LAMA3: variants seen among roughly 807,000 people sequenced by gnomAD.
The protein encoded by LAMA3 is laminin subunit alpha 3.
Under a neutral mutation model 402.0 loss-of-function variants are expected in LAMA3, and 281 were observed. That is an observed-to-expected ratio of 0.70 (90% CI 0.63 to 0.77). The LOEUF is 0.77. LAMA3 is among the 30% of genes least tolerant of loss of function. The pLI, the probability that LAMA3 is intolerant of heterozygous loss-of-function variation, is 0.00. For synonymous variants in LAMA3, 1,431 were observed against 1,558.4 expected (o/e 0.92, Z 1.93); for missense variants, 3,840 against 4,215.5 (o/e 0.91, Z 2.47).
chr18:23,876,235 CT>C, intron 38 of LAMA3, 58 bp from the exon 39 acceptor site: 1 of 1,135,180 alleles, frequency 8.8e-7, no homozygotes. Flanking sequence ...GTGTCACATG[CT>C]TTGGATAGTA....
At chr18:23,910,561 G>GTAA (rs1328359578) in intron 55 of LAMA3, among the ~76,000 whole-genome samples, 1 of 152,184 alleles carries the variant, frequency 6.6e-6, no homozygotes, top group African/African-American at 2.4e-5. Flanking sequence ...TTAGACTGTG[G>GTAA]TAACAAGCTG....
At chr18:23,790,533 G>A (rs34667020) in intron 12 of LAMA3, among the ~76,000 whole-genome samples, 17 of 152,248 alleles carry the variant, frequency 1.1e-4, no homozygotes, top group Non-Finnish European at 1.6e-4. Context: ...GTGCTTCTGA[G>A]TATGGGAAGT....
chr18:23,948,422 T>A (rs1400403795), intron 70 of LAMA3, among the ~76,000 whole-genome samples: 1 of 152,144 alleles, frequency 6.6e-6, no homozygotes, highest in Non-Finnish European at 1.5e-5. Flanking sequence ...TTCTGGCCCA[T>A]CCTGGGGAGT....
Position 23,954,762 on chromosome 18 carries a change from A to G in LAMA3, c.*114A>G. On this transcript the variant is annotated 3_prime_UTR_variant, in exon 75 of 75. Transcript: ENST00000313654. ...CTCAGGACACAAACCAGACAGGTTT[A>G]ATAGCGAATCTAATTTTGAATTCTG... 2 of 1,132,764 alleles carry G rather than the reference A, an allele frequency of 1.8e-6. No individual in the cohort carries two copies. The allele number at this position is 1,132,764 out of a possible 1,614,324, so 70.2% of individuals were successfully genotyped here.
chr18:23,942,036 T>G (rs878973650), intron 68 of LAMA3, among the ~76,000 whole-genome samples: 1 of 152,216 alleles, frequency 6.6e-6, no homozygotes, highest in Non-Finnish European at 1.5e-5. Flanking sequence ...AACATTGCCC[T>G]CAAGGAAACT....
At chr18:23,696,671 T>C (rs1008485788) in intron 1 of LAMA3, among the ~76,000 whole-genome samples, 1 of 152,120 alleles carries the variant, frequency 6.6e-6, no homozygotes, top group Non-Finnish European at 1.5e-5. Flanking sequence ...CGGCTAATTT[T>C]TGTATTTTTA....
At chr18:23,836,925 G>T in intron 24 of LAMA3, 56 bp from the exon 25 acceptor site, 2 of 1,261,464 alleles carry the variant, frequency 1.6e-6, no homozygotes, top group Middle Eastern at 2.5e-4. Flanking sequence ...AGAAGGATGT[G>T]CAGAATGAGG....
At chr18:23,743,925 G>A (rs1396989042) in intron 2 of LAMA3, among the ~76,000 whole-genome samples, 1 of 152,132 alleles carries the variant, frequency 6.6e-6, no homozygotes, top group Non-Finnish European at 1.5e-5. Context: ...GAGGGTCCTC[G>A]TTTATATCAG....
chr18:23,845,268 G>T, intron 30 of LAMA3, 144 bp downstream of exon 30: 2 of 680,088 alleles, frequency 2.9e-6, no homozygotes. Flanking sequence ...CCCAGGGGAA[G>T]ATGCTCTTTC....
rs118020757 is a variant in LAMA3 at position 23,810,442 on chromosome 18, A to G, written c.1680A>G (p.Gly560=). ...CTGGACAGTGTGAATGTCGGCCAGG[A>G]GTTACAGGACAGCGGTGTGACAGGT... ...SVTGQCECRP[G]VTGQRCDRCL... is the part of the protein sequence containing the mutation. The change falls in exon 13 of 75, where the codon GGA becomes GGG. Residue 560 remains glycine (G), a synonymous_variant. Coordinates refer to ENST00000313654, the MANE Select transcript of LAMA3 (RefSeq NM_198129.4). 455 of 1,614,138 alleles carry G rather than the reference A, an allele frequency of 2.8e-4. 2 individuals are homozygous for G. In the East Asian group the frequency reaches 9.7e-3, roughly 34 times the overall value.
At chr18:23,721,999 A>G (rs1294189081) in intron 2 of LAMA3, among the ~76,000 whole-genome samples, 3 of 152,128 alleles carry the variant, frequency 2.0e-5, no homozygotes, top group Admixed American at 6.5e-5. Context: ...GTGGTTTTCT[A>G]TTACTTTTGG....
chr18:23,728,424 C>T (rs181565403), intron 2 of LAMA3, among the ~76,000 whole-genome samples: 111 of 152,286 alleles, frequency 7.3e-4, no homozygotes, highest in African/African-American at 2.5e-3. Context: ...TGGCTCCTGG[C>T]AGGCAACTCA....
At chr18:23,941,329 C>CCG in intron 68 of LAMA3, among the ~76,000 whole-genome samples, 1 of 134,964 alleles carries the variant, frequency 7.4e-6, no homozygotes, top group South Asian at 2.9e-4. Flanking sequence ...GCTTGGCGCC[C>CCG]CCCCCCCGCC....
intron 41 of LAMA3, among the ~76,000 whole-genome samples, chr18:23,885,617 A>T (rs1266865205): frequency 6.6e-6 from 1 of 152,140 alleles, no homozygotes; most frequent in Non-Finnish European, 1.5e-5. Context: ...ACTGAGAAAG[A>T]TATAAAAGAT....
At chr18:23,743,205 G>C (rs185983946) in intron 2 of LAMA3, among the ~76,000 whole-genome samples, 140 of 152,228 alleles carry the variant, frequency 9.2e-4, no homozygotes, top group African/African-American at 3.0e-3. Flanking sequence ...TATCTTTTTT[G>C]ATCATTTTAT....
In LAMA3 at chr18:23,715,878, G is replaced by A. The variant is rs575055985; in HGVS notation, c.447+1806G>A. ...CATAGCATAGAAATGGAATGATACT[G>A]AGATTTCTTAGAATGAATGTGTTCT... is the stretch of plus-strand genomic sequence containing the variant. On this transcript the variant is annotated intron_variant, in intron 2 of 74. Coordinates refer to ENST00000313654, the MANE Select transcript of LAMA3 (RefSeq NM_198129.4). Among the ~76,000 whole-genome samples the A allele has an allele frequency of 2.2e-4, 34 of 152,340 alleles. 1 individual carries two copies. The highest frequency in any genetic ancestry group is 2.1e-3 in the Admixed American group (32 of 15,304).
At chr18:23,821,890 CT>C (rs2063292080) in intron 19 of LAMA3, among the ~76,000 whole-genome samples, 1 of 152,136 alleles carries the variant, frequency 6.6e-6, no homozygotes. Flanking sequence ...TCTCTTCTGC[CT>C]TTTTATTTTT....
At chr18:23,843,917 C>G (rs2063759023) in intron 29 of LAMA3, among the ~76,000 whole-genome samples, 1 of 152,198 alleles carries the variant, frequency 6.6e-6, no homozygotes, top group South Asian at 2.1e-4. Context: ...GTCTGTTTCT[C>G]TACCTGGATA....
At chr18:23,873,169 G>A (rs1001515695) in intron 38 of LAMA3, 1 of 1,614,232 alleles carries the variant, frequency 6.2e-7, no homozygotes, top group South Asian at 1.1e-5. Context: ...CAGCCTCCCG[G>A]TCAAAGTCAA....
Sources: allele counts gnomAD v4.1 joint callset (sites outside exome capture counted in the v4.1 genomes callset), GRCh38; gene constraint gnomAD v4.1.1; transcripts MANE v1.5; gene names NCBI Gene and HGNC (gene_info 2026-07-23, HGNC 2026-07-21).